NHS: variants seen among roughly 807,000 people sequenced by gnomAD.
NHS encodes actin remodeling regulator NHS.
Under a neutral mutation model 72.5 loss-of-function variants are expected in NHS, and 5 were observed. The observed-to-expected ratio is 0.07, with a 90% confidence interval of 0.04 to 0.14. NHS has a LOEUF of 0.14. Ranked by LOEUF, NHS falls within the 10% of genes least tolerant of loss-of-function variation. NHS has a pLI of 1.00. For missense variants in NHS, 1,072 were observed against 1,355.7 expected, an observed-to-expected ratio of 0.79 and a Z score of 3.29; for synonymous variants, 464 against 547.7, an observed-to-expected ratio of 0.85 and a Z score of 2.13.
At chrX:17,539,173 C>T (rs2065250169) in intron 1 of NHS, among the ~76,000 whole-genome samples, 1 of 111,774 alleles carries the variant, frequency 8.9e-6, no homozygotes, top group Admixed American at 9.5e-5. Context: ...GTTCCCTCTG[C>T]CTGGAATGCT....
At chrX:17,510,780 G>A (rs2065083499) in intron 1 of NHS, among the ~76,000 whole-genome samples, 1 of 112,314 alleles carries the variant, frequency 8.9e-6, no homozygotes, top group African/African-American at 3.2e-5. Flanking sequence ...ATTTTTTGAT[G>A]TGGGCATAAG....
At position 17,588,416 on chromosome X, in the gene NHS, G is replaced by A. The variant is rs144719777; in HGVS notation, c.566-99326G>A. Among the ~76,000 whole-genome samples the A allele has an allele frequency of 1.0e-3, 115 of 111,883 alleles. 1 individual carries two copies. Among genetic ancestry groups the A allele is most frequent in the African/African-American group, 3.5e-3 (108 of 30,793 alleles). On this transcript the variant is annotated intron_variant, in intron 1 of 8. Transcript: ENST00000676302. ...ATCTCTGCTACATAATACAGTAAGC[G>A]CTGTAGTACAGATGCATACAGAAGA...
chrX:17,433,649 GGT>G (rs1379632605), intron 1 of NHS, among the ~76,000 whole-genome samples: 3 of 111,421 alleles, frequency 2.7e-5, no homozygotes, highest in Non-Finnish European at 5.7e-5. Flanking sequence ...CCCTGCACTT[GGT>G]TTAGGATCAG....
At chrX:17,455,148 G>A (rs1303344434) in intron 1 of NHS, among the ~76,000 whole-genome samples, 2 of 111,794 alleles carry the variant, frequency 1.8e-5, no homozygotes, top group Non-Finnish European at 3.8e-5. Context: ...ACTTTTGTCA[G>A]GGGCTGGCAT....
At chrX:17,678,293 T>TGTGTGA (rs1266362593) in intron 1 of NHS, among the ~76,000 whole-genome samples, 4 of 101,869 alleles carry the variant, frequency 3.9e-5, no homozygotes, top group African/African-American at 1.5e-4. Context: ...TGTGTGTGTG[T>TGTGTGA]GAGAGAGAGA....
intron 1 of NHS, among the ~76,000 whole-genome samples, chrX:17,412,189 A>G (rs1203227831): frequency 1.8e-5 from 2 of 109,520 alleles, no homozygotes; most frequent in Non-Finnish European, 3.8e-5. Flanking sequence ...ATATTTATAT[A>G]CTTAAATAAT....
chrX:17,644,878 G>A lies in NHS; in HGVS notation c.566-42864G>A, dbSNP rs746353208. Among the ~76,000 whole-genome samples the A allele has an allele frequency of 4.5e-5, 5 of 110,798 alleles. No individual in the cohort carries two copies. The Admixed American group carries it at 4.8e-4, about 11-fold the overall frequency. On this transcript the variant is annotated intron_variant, in intron 1 of 8. Transcript: ENST00000676302. ...TGCCAGGCACGCTACAGTGTATCTC[G>A]GGAGTATGCATAAGTCCCTCTGAAA...
intron 2 of NHS, among the ~76,000 whole-genome samples, chrX:17,690,874 G>A (rs1304103895): frequency 8.9e-6 from 1 of 111,909 alleles, no homozygotes; most frequent in East Asian, 2.8e-4. Flanking sequence ...TATCATTTAT[G>A]TTCATAAATC....
chrX:17,698,537 C>T (rs758508765), intron 3 of NHS, among the ~76,000 whole-genome samples: 1 of 111,630 alleles, frequency 9.0e-6, no homozygotes, highest in Non-Finnish European at 1.9e-5. Flanking sequence ...CCAGATGTTC[C>T]CAATGCTCTA....
At chrX:17,504,396 C>A (rs2065047688) in intron 1 of NHS, among the ~76,000 whole-genome samples, 1 of 112,092 alleles carries the variant, frequency 8.9e-6, no homozygotes, top group South Asian at 3.7e-4. Flanking sequence ...TCTCCCACAG[C>A]CATCCTTATG....
intron 1 of NHS, among the ~76,000 whole-genome samples, chrX:17,491,946 G>A (rs1344129112): frequency 9.1e-6 from 1 of 110,411 alleles, no homozygotes; most frequent in Non-Finnish European, 1.9e-5. Context: ...TTCTTTGATG[G>A]TAGTTTGTAT....
chrX:17,673,666 T>C (rs2066062987), intron 1 of NHS, among the ~76,000 whole-genome samples: 1 of 111,623 alleles, frequency 9.0e-6, no homozygotes. Flanking sequence ...GCCTCTCTGA[T>C]TCACATGACT....
At chrX:17,430,332 T>C (rs904755614) in intron 1 of NHS, among the ~76,000 whole-genome samples, 1 of 91,459 alleles carries the variant, frequency 1.1e-5, no homozygotes, top group Admixed American at 1.3e-4. Context: ...TTCTTTCTTT[T>C]TCTTCTCTTT....
chrX:17,616,529 A>G (rs2147060625), intron 1 of NHS, among the ~76,000 whole-genome samples: 1 of 113,048 alleles, frequency 8.8e-6, no homozygotes, highest in South Asian at 3.6e-4. Context: ...CCAAATGTCC[A>G]AACTATTACC....
At chrX:17,439,950 C>T (rs1406956239) in intron 1 of NHS, among the ~76,000 whole-genome samples, 1 of 111,762 alleles carries the variant, frequency 8.9e-6, no homozygotes, top group Non-Finnish European at 1.9e-5. Flanking sequence ...AGAAAATTTA[C>T]TTTGACACCC....
At chrX:17,685,753 C>A (rs911510033) in intron 1 of NHS, among the ~76,000 whole-genome samples, 3 of 111,914 alleles carry the variant, frequency 2.7e-5, no homozygotes, top group Non-Finnish European at 5.6e-5. Flanking sequence ...AGGACTATAA[C>A]CTTTTTGGCG....
intron 3 of NHS, among the ~76,000 whole-genome samples, chrX:17,712,393 C>CATATATATATAT (rs3074204): frequency 1.7e-4 from 14 of 81,440 alleles, no homozygotes; most frequent in African/African-American, 5.2e-4. Flanking sequence ...CACACACACA[C>CATATATATATAT]ATATATATAT....
chrX:17,562,849 C>T (rs1321694112), intron 1 of NHS, among the ~76,000 whole-genome samples: 1 of 96,270 alleles, frequency 1.0e-5, no homozygotes, highest in Non-Finnish European at 2.0e-5. Flanking sequence ...CAGATTGTAA[C>T]ATCTTTCAAT....
intron 1 of NHS, among the ~76,000 whole-genome samples, chrX:17,445,812 A>C (rs1446852848): frequency 9.6e-6 from 1 of 103,777 alleles, no homozygotes; most frequent in African/African-American, 3.5e-5. Context: ...ACCTAAATCA[A>C]TCTGGCCTGG....
Sources: gnomAD v4.1 joint callset for allele counts (sites outside exome capture counted in the v4.1 genomes callset) on GRCh38, gnomAD v4.1.1 for gene constraint, MANE v1.5 for transcripts, NCBI Gene and HGNC (gene_info 2026-07-23, HGNC 2026-07-21) for gene names.